Variants in ADAMTS2 observed in about 807,000 individuals in gnomAD.
The protein encoded by ADAMTS2 is ADAM metallopeptidase with thrombospondin type 1 motif 2, also known as A disintegrin and metalloproteinase with thrombospondin motifs 2.
A neutral mutation model predicts 123.0 loss-of-function variants in ADAMTS2; 50 were observed. That is an observed-to-expected ratio of 0.41 (90% confidence interval 0.32 to 0.51). The LOEUF is 0.51. ADAMTS2 is among the 20% of genes least tolerant of loss of function. The pLI, the probability that ADAMTS2 is intolerant of heterozygous loss-of-function variation, is 0.35. For synonymous variants in ADAMTS2, 678 were observed against 695.4 expected, an observed-to-expected ratio of 0.98 and a Z score of 0.39; for missense variants, 1,494 against 1,705.2, an observed-to-expected ratio of 0.88 and a Z score of 2.18.
rs1166990772 is a variant in ADAMTS2 at position 179,302,379 on chromosome 5, C to CAAA, written c.535-29318_535-29316dup. 2.1e-3 allele frequency among the ~76,000 whole-genome samples: 82 copies of CAAA among 38,184 alleles called. 4 individuals are homozygous for CAAA. The highest frequency in any genetic ancestry group is 7.5e-3 in the African/African-American group (71 of 9,464). The allele number at this position is 38,184 out of a possible 152,430, so 25.1% of individuals were successfully genotyped here. ...TCTGGGCGACAGAGCAAGACCGTCT[C>CAAA]AAAAAAAAAAAAAAAAAAAAAAAAA... On this transcript the variant is annotated intron_variant, in intron 2 of 21. Transcript: ENST00000251582.
chr5:179,162,288 C>A lies in ADAMTS2; in HGVS notation c.976-3409G>T, dbSNP rs746484463. Among the ~76,000 whole-genome samples, 3 of 151,806 alleles carry A rather than the reference C, an allele frequency of 2.0e-5. No homozygotes were observed. Among genetic ancestry groups the A allele is most frequent in the Non-Finnish European group, 2.9e-5 (2 of 68,028 alleles). ...AGGCCTGGCCAATCCCAGCACCACGCCTTCCTGGCCACCATGAAGGATCAG... is the reference window on the plus strand; with the variant it reads ...AGGCCTGGCCAATCCCAGCACCACGACTTCCTGGCCACCATGAAGGATCAG... On this transcript the variant is annotated intron_variant, in intron 5 of 21. Coordinates refer to ENST00000251582, the MANE Select transcript of ADAMTS2 (RefSeq NM_014244.5). The surrounding 1 kb of genome is among the most constrained non-coding windows in gnomAD (Gnocchi z 5.1).
rs1765255600 is a variant in ADAMTS2, at chr5:179,225,326, A to G, written c.689-17611T>C. Among the ~76,000 whole-genome samples the G allele has an allele frequency of 6.6e-6, 1 of 152,214 alleles. No individual in the cohort carries two copies. The highest frequency in any genetic ancestry group is 1.9e-4 in the East Asian group (1 of 5,194). Reference sequence around the variant, plus strand: ...AAAGGGAAATGGACAAACGGTATTGATACAAAAGTGCTGGGTAGAGAAGGG... The same window carrying G: ...AAAGGGAAATGGACAAACGGTATTGGTACAAAAGTGCTGGGTAGAGAAGGG... On this transcript the variant is annotated intron_variant, in intron 3 of 21. Transcript: ENST00000251582. The surrounding 1 kb of genome is among the most constrained non-coding windows in gnomAD (Gnocchi z 4.5).
At chr5:179,125,882 A>G in intron 18 of ADAMTS2, 116 bp downstream of exon 18, 1 of 1,445,930 alleles carries the variant, frequency 6.9e-7, no homozygotes, top group East Asian at 2.4e-5. Flanking sequence ...GGTGAGAGAG[A>G]CTTGGTCAAA....
chr5:179,328,089 T>C (rs1262685604), intron 2 of ADAMTS2, among the ~76,000 whole-genome samples: 1 of 152,232 alleles, frequency 6.6e-6, no homozygotes, highest in African/African-American at 2.4e-5. Context: ...AGTGCAGTGG[T>C]GCAAGCGATC....
intron 2 of ADAMTS2, among the ~76,000 whole-genome samples, chr5:179,320,585 T>C (rs1757140974): frequency 6.6e-6 from 1 of 152,004 alleles, no homozygotes; most frequent in East Asian, 1.9e-4. Flanking sequence ...CCCAAAGTGC[T>C]GGGATTACAG....
Position 179,122,740 on chromosome 5 carries a change from G to A in ADAMTS2, c.2992C>T (p.Arg998Trp), listed in dbSNP as rs1482544047. The change falls in exon 20 of 22, where the codon CGG (arginine) becomes TGG (tryptophan). Residue 998 changes from arginine to tryptophan, a missense_variant. By Grantham distance (101) the Arg-to-Trp change is moderately radical (BLOSUM62 -3). Transcript: ENST00000251582. ...SVTCGNGTQE[R>W]PVLCRTADDS... ...TCCGCGGTGCGGCAGAGCACTGGCC[G>A]CTCCTGGGTGCCGTTGCCACAGGTT... The A allele has an allele frequency of 1.3e-6, 2 of 1,553,838 alleles. No individual in the cohort carries two copies. The highest frequency in any genetic ancestry group is 8.7e-7 in the Non-Finnish European group (1 of 1,148,998).
chr5:179,311,961 G>A (rs182699636), intron 2 of ADAMTS2, among the ~76,000 whole-genome samples: 12 of 152,332 alleles, frequency 7.9e-5, no homozygotes, highest in Admixed American at 6.5e-5. Context: ...CTGAAGGGAA[G>A]GTAGAAATGA....
Position 179,317,678 on chromosome 5 carries a change from C to T in ADAMTS2, c.534+26089G>A, listed in dbSNP as rs190883980. Among the ~76,000 whole-genome samples the T allele has an allele frequency of 3.9e-4, 60 of 152,322 alleles. No homozygotes were observed. The highest frequency in any genetic ancestry group is 6.6e-4 in the Non-Finnish European group (45 of 68,036). ...CTGAGGGACACATGCCCCACACAAA[C>T]GCCCCCACATGTGCATCGCATACAT... On this transcript the variant is annotated intron_variant, in intron 2 of 21. Coordinates refer to ENST00000251582, the MANE Select transcript of ADAMTS2 (RefSeq NM_014244.5). This position sits in a 1 kb window ranked among gnomAD's most constrained non-coding sequence, Gnocchi z 4.9.
In ADAMTS2 at chr5:179,307,428, G is replaced by T. The variant is rs994144525; in HGVS notation, c.535-34364C>A. 1.3e-5 allele frequency among the ~76,000 whole-genome samples: 2 copies of T among 152,056 alleles called. No homozygotes were observed. Among genetic ancestry groups the T allele is most frequent in the African/African-American group, 4.8e-5 (2 of 41,376 alleles). On this transcript the variant is annotated intron_variant, in intron 2 of 21. Coordinates refer to ENST00000251582, the MANE Select transcript of ADAMTS2 (RefSeq NM_014244.5). This position sits in a 1 kb window ranked among gnomAD's most constrained non-coding sequence, Gnocchi z 5.6. ...CCATGAGCATTCAACAGCCCGGTCC[G>T]GGGGGCACCACCACGCAGGGGCTTC...
intron 2 of ADAMTS2, among the ~76,000 whole-genome samples, chr5:179,276,634 A>G (rs1438945389): frequency 3.3e-5 from 5 of 152,216 alleles, no homozygotes; most frequent in Non-Finnish European, 7.3e-5. Flanking sequence ...CCAAATGAGG[A>G]AACCGAGGCC....
chr5:179,343,202 G>A (rs548828220), intron 2 of ADAMTS2, among the ~76,000 whole-genome samples: 28 of 152,300 alleles, frequency 1.8e-4, no homozygotes, highest in African/African-American at 6.3e-4. Flanking sequence ...GGTATTACCC[G>A]CACGCAAGGA....
rs1763796606 is a variant in ADAMTS2, at chr5:179,170,604, G to GACACA, written c.975+10467_975+10468insTGTGT. Among the ~76,000 whole-genome samples, 1 of 152,058 alleles carries GACACA rather than the reference G, an allele frequency of 6.6e-6. No homozygotes were observed. Among genetic ancestry groups the GACACA allele is most frequent in the Non-Finnish European group, 1.5e-5 (1 of 68,010 alleles). On this transcript the variant is annotated intron_variant, in intron 5 of 21. Transcript: ENST00000251582. The surrounding 1 kb of genome is among the most constrained non-coding windows in gnomAD (Gnocchi z 4.3). The stretch of plus-strand genomic sequence containing the variant: ...TGGCTGTGCTTCTCTGTGAGCAAAA[G>GACACA]GGGTCTGTTCCCTTGGACACAGGAG...
chr5:179,326,358 C>A (rs1757320420), intron 2 of ADAMTS2, among the ~76,000 whole-genome samples: 1 of 152,020 alleles, frequency 6.6e-6, no homozygotes, highest in African/African-American at 2.4e-5. Context: ...TTCCAGTAAA[C>A]ATCTGTTCTT....
rs777107579 is a variant in ADAMTS2, at chr5:179,128,111, G to A, written c.2465C>T (p.Pro822Leu). The change falls in exon 17 of 22, where the codon CCG (proline) becomes CTG (leucine). Residue 822 changes from proline to leucine, a missense_variant. By Grantham distance (98) the Pro-to-Leu change is moderately conservative (BLOSUM62 -3). Around this residue, in one of 6 missense-constraint regions of ADAMTS2, gnomAD observed 953 missense variants for 1,124.7 expected, o/e 0.85. Transcript: ENST00000251582. This position sits in a 1 kb window ranked among gnomAD's most constrained non-coding sequence, Gnocchi z 4.9. ...CAGTGAGACCCGGGTGTCTCCCACC[G>A]GGATGACCTGTGCCAGCCCAAGAGC... The part of the protein sequence containing the change: ...LHGTITVLVI[P>L]VGDTRVSLTY... The A allele has an allele frequency of 2.5e-6, 4 of 1,613,346 alleles. No homozygotes were observed. The highest frequency in any genetic ancestry group is 3.4e-6 in the Non-Finnish European group (4 of 1,180,004).
At chr5:179,163,260 T>C (rs1763633763) in intron 5 of ADAMTS2, among the ~76,000 whole-genome samples, 1 of 152,222 alleles carries the variant, frequency 6.6e-6, no homozygotes, top group African/African-American at 2.4e-5. Flanking sequence ...AAGTCCATCT[T>C]GTGTTTTCCC....
intron 3 of ADAMTS2, among the ~76,000 whole-genome samples, chr5:179,232,682 C>T (rs148166759): frequency 9.3e-4 from 141 of 152,244 alleles, no homozygotes; most frequent in African/African-American, 3.3e-3. Context: ...GATTCCCACG[C>T]GTGTCTGCAT....
chr5:179,227,621 T>C (rs455452), intron 3 of ADAMTS2, among the ~76,000 whole-genome samples: 64,626 of 151,822 alleles, frequency 0.43, 13,931 homozygotes, highest in Middle Eastern at 0.49. Flanking sequence ...AGATGCCCTC[T>C]AGGACTGCAG....
chr5:179,206,813 G>GGTAT (rs2113372369), intron 4 of ADAMTS2, among the ~76,000 whole-genome samples: 2 of 152,312 alleles, frequency 1.3e-5, no homozygotes, highest in African/African-American at 4.8e-5. Flanking sequence ...GGTTGTTGGG[G>GGTAT]GTATGGAATG....
At chr5:179,139,190 C>T (rs1026420702) in intron 11 of ADAMTS2, among the ~76,000 whole-genome samples, 74 of 152,160 alleles carry the variant, frequency 4.9e-4, no homozygotes, top group African/African-American at 1.5e-3. Flanking sequence ...CCAGCCCCCC[C>T]GGGACACTCC....
Sources: gnomAD v4.1 joint callset for allele counts (sites outside exome capture counted in the v4.1 genomes callset) on GRCh38, gnomAD v4.1.1 for gene constraint, gnomAD v4.1.1 regional missense constraint, Gnocchi (gnomAD v3.1) non-coding constraint, MANE v1.5 for transcripts, NCBI Gene and HGNC (gene_info 2026-07-23, HGNC 2026-07-21) for gene names.